RANBP2: variants seen among roughly 807,000 people sequenced by gnomAD.
RANBP2 encodes E3 SUMO-protein ligase RanBP2.
RANBP2 carries 57 observed loss-of-function variants against 303.6 expected under a neutral mutation model. The observed-to-expected ratio is 0.19, with a 90% confidence interval of 0.15 to 0.23. The LOEUF (loss-of-function observed/expected upper bound fraction) is 0.23, where lower values mean the gene tolerates loss of function less well. Ranked by LOEUF, RANBP2 falls within the 10% of genes least tolerant of loss-of-function variation. RANBP2 has a pLI of 1.00. For synonymous variants in RANBP2, 1,167 were observed against 1,301.5 expected (o/e 0.90, Z 2.23); for missense variants, 3,138 against 3,780.8 (o/e 0.83, Z 4.46).
chr2:109,153,152 G>A, the RANBP2 span, among the ~76,000 whole-genome samples: 1 of 152,184 alleles, frequency 6.6e-6, no homozygotes, highest in Non-Finnish European at 1.5e-5. Flanking sequence ...TATTTCAATG[G>A]AACAGAACCA....
At chr2:108,739,520 GT>G (rs1285689568) in intron 6 of RANBP2, among the ~76,000 whole-genome samples, 3 of 152,142 alleles carry the variant, frequency 2.0e-5, no homozygotes, top group Non-Finnish European at 4.4e-5. Flanking sequence ...CCCTGAAGGG[GT>G]TTTTGAGCAC....
chr2:109,698,803 T>G, the RANBP2 span, among the ~76,000 whole-genome samples: 2 of 152,164 alleles, frequency 1.3e-5, no homozygotes, highest in African/African-American at 4.8e-5. Context: ...GGCACGCACT[T>G]GTAGTCCCAG....
At chr2:109,573,947 CACTT>C in the RANBP2 span, among the ~76,000 whole-genome samples, 1 of 152,108 alleles carries the variant, frequency 6.6e-6, no homozygotes, top group African/African-American at 2.4e-5. Flanking sequence ...AAGTTCTTCT[CACTT>C]AATAGTGGCA....
the RANBP2 span, among the ~76,000 whole-genome samples, chr2:109,352,240 T>C: frequency 6.6e-6 from 1 of 152,228 alleles, no homozygotes. Flanking sequence ...AAAGTTGCAC[T>C]TCCGTCAGAT....
the RANBP2 span, among the ~76,000 whole-genome samples, chr2:108,907,489 A>G: frequency 6.6e-6 from 1 of 151,834 alleles, no homozygotes; most frequent in Non-Finnish European, 1.5e-5. Flanking sequence ...CTACTAAAAT[A>G]TAAAAAAAAT....
chr2:109,087,225 C>T, the RANBP2 span, among the ~76,000 whole-genome samples: 1 of 152,164 alleles, frequency 6.6e-6, no homozygotes, highest in Admixed American at 6.5e-5. Flanking sequence ...ACAGGATGAC[C>T]AGGCTGGGCA....
the RANBP2 span, among the ~76,000 whole-genome samples, chr2:108,914,208 C>T: frequency 2.7e-5 from 4 of 150,418 alleles, no homozygotes; most frequent in Non-Finnish European, 4.4e-5. Flanking sequence ...TGCAGTGAGC[C>T]GAGATCACAC....
the RANBP2 span, among the ~76,000 whole-genome samples, chr2:109,698,597 T>C: frequency 6.6e-6 from 1 of 152,178 alleles, no homozygotes; most frequent in South Asian, 2.1e-4. Context: ...GTATGCTCAT[T>C]CCATCATCTC....
At chr2:109,024,535 C>T in the RANBP2 span, among the ~76,000 whole-genome samples, 1 of 152,212 alleles carries the variant, frequency 6.6e-6, no homozygotes, top group Non-Finnish European at 1.5e-5. Context: ...CTGGTCTAGC[C>T]AACTCCCCTC....
At chr2:109,240,004 A>G in the RANBP2 span, among the ~76,000 whole-genome samples, 1 of 152,228 alleles carries the variant, frequency 6.6e-6, no homozygotes, top group Admixed American at 6.5e-5. Context: ...TTGCTGGCTC[A>G]TGATAGATGA....
chr2:109,554,234 T>C, the RANBP2 span, among the ~76,000 whole-genome samples: 2 of 152,004 alleles, frequency 1.3e-5, no homozygotes, highest in African/African-American at 4.8e-5. Context: ...AAAGGGAAAA[T>C]TGTAAAGATC....
chr2:109,649,420 CAG>C, the RANBP2 span, among the ~76,000 whole-genome samples: 1 of 151,642 alleles, frequency 6.6e-6, no homozygotes, highest in Non-Finnish European at 1.5e-5. Flanking sequence ...TTTTTTGAGA[CAG>C]AGTCTCACTC....
chr2:109,592,149 C>A, the RANBP2 span, among the ~76,000 whole-genome samples: 1 of 151,954 alleles, frequency 6.6e-6, no homozygotes, highest in Non-Finnish European at 1.5e-5. Context: ...TATGCACCCA[C>A]CACATTCTGC....
At chr2:109,312,946 T>A in the RANBP2 span, among the ~76,000 whole-genome samples, 1 of 152,194 alleles carries the variant, frequency 6.6e-6, no homozygotes, top group Non-Finnish European at 1.5e-5. Flanking sequence ...AGCCGCCCTA[T>A]GTTTTCCACA....
chr2:108,987,702 T>C, the RANBP2 span, among the ~76,000 whole-genome samples: 1 of 152,014 alleles, frequency 6.6e-6, no homozygotes, highest in Non-Finnish European at 1.5e-5. Flanking sequence ...TGGGGAGGGG[T>C]ACAGTGGAGA....
chr2:109,545,844 C>A, the RANBP2 span: 4 of 1,435,562 alleles, frequency 2.8e-6, no homozygotes, highest in South Asian at 6.3e-5. Flanking sequence ...ATACTGAACA[C>A]ATAACATGTG....
chr2:109,396,296 C>T, the RANBP2 span, among the ~76,000 whole-genome samples: 1 of 152,166 alleles, frequency 6.6e-6, no homozygotes, highest in Non-Finnish European at 1.5e-5. Context: ...AACAGCTGAG[C>T]CTGGTTGGAG....
rs775300579 is a variant in RANBP2 at position 108,729,177 on chromosome 2, A to G, written c.118A>G (p.Lys40Glu). The stretch of plus-strand genomic sequence containing the variant: ...TTTTGCAAAGCTGTATTATGAAGCT[A>G]AAGAATATGATCTTGCTAAAAAGTA... Reference protein sequence around the residue: ...FYFAKLYYEAKEYDLAKKYIC... With the variant: ...FYFAKLYYEAEEYDLAKKYIC... Residue 40 changes from lysine (K) to glutamate (E), a missense_variant, in exon 2 of 29, where the codon AAA (lysine) becomes GAA (glutamate). By Grantham distance (56) the Lys-to-Glu change is moderately conservative. Coordinates refer to ENST00000283195, the MANE Select transcript of RANBP2 (RefSeq NM_006267.5). 4 of 1,572,332 alleles carry G rather than the reference A, an allele frequency of 2.5e-6. No individual in the cohort carries two copies. In the South Asian group the frequency reaches 3.3e-5, roughly 13 times the overall value.
At chr2:109,434,814 A>C in the RANBP2 span, among the ~76,000 whole-genome samples, 1 of 152,240 alleles carries the variant, frequency 6.6e-6, no homozygotes, top group Non-Finnish European at 1.5e-5. Flanking sequence ...GGCTCCTTGC[A>C]TACCATGTTC....
Sources: allele counts gnomAD v4.1 joint callset (sites outside exome capture counted in the v4.1 genomes callset), GRCh38; gene constraint gnomAD v4.1.1; transcripts MANE v1.5; gene names NCBI Gene and HGNC (gene_info 2026-07-23, HGNC 2026-07-21).